TMEM63C: variants seen among roughly 807,000 people sequenced by gnomAD.
TMEM63C encodes transmembrane protein 63C, also known as osmosensitive cation channel TMEM63C.
A neutral mutation model predicts 99.2 loss-of-function variants in TMEM63C; 32 were observed. That is an observed-to-expected ratio of 0.32 (90% CI 0.24 to 0.43). The LOEUF is 0.43. TMEM63C is among the 20% of genes least tolerant of loss of function. TMEM63C has a pLI of 1.00. For missense variants in TMEM63C, 826 were observed against 1,053.0 expected, an observed-to-expected ratio of 0.78 and a Z score of 2.98; for synonymous variants, 376 against 397.9, an observed-to-expected ratio of 0.94 and a Z score of 0.66.
In TMEM63C at chr14:77,239,692, T is replaced by C. The variant is rs766263749; in HGVS notation, c.896T>C (p.Leu299Pro). 1.9e-6 allele frequency: 3 copies of C among 1,613,096 alleles called. No individual in the cohort carries two copies. The highest frequency in any genetic ancestry group is 2.5e-6 in the Non-Finnish European group (3 of 1,179,636). ...ATCAGGATCCACCCCTGTGCCCGCC[T>C]GTGCTTCTGCAAGTGCTGGACCTGC... The part of the protein sequence containing the change: ...VMIRIHPCAR[L>P]CFCKCWTCFK... The change falls in exon 12 of 24, where the codon CTG becomes CCG. Residue 299 changes from leucine (L) to proline (P), a missense_variant. By Grantham distance (98) the Leu-to-Pro change is moderately conservative (BLOSUM62 -3). Coordinates refer to ENST00000298351, the MANE Select transcript of TMEM63C (RefSeq NM_020431.4).
chr14:77,250,995 T>C (rs1889350393), intron 21 of TMEM63C, among the ~76,000 whole-genome samples: 1 of 152,160 alleles, frequency 6.6e-6, no homozygotes, highest in Admixed American at 6.5e-5. Flanking sequence ...ATGGGAACAT[T>C]GAGAGGGAGC....
At chr14:77,244,523 G>T in intron 16 of TMEM63C, 68 bp downstream of exon 16, 1 of 1,286,336 alleles carries the variant, frequency 7.8e-7, no homozygotes, top group Non-Finnish European at 1.1e-6. Context: ...TGGCTTCCCC[G>T]CCAGCCTGGC....
rs1889070269 is a variant in TMEM63C at position 77,236,860 on chromosome 14, G to T, written c.651+128G>T. 5.9e-6 allele frequency: 4 copies of T among 673,022 alleles called. No homozygotes were observed. In the Admixed American group the frequency reaches 9.2e-5, roughly 15 times the overall value. The allele number at this position is 673,022 out of a possible 1,614,324, so 41.7% of individuals were successfully genotyped here. A position where few individuals can be genotyped will look rare whatever the true frequency, so the allele number is the denominator to read the frequency against. ...AGACTGTGATAGATGGGAGGGGGCG[G>T]TTTCACCTGAGCAGGGGCCAAGCTT... On this transcript the variant is annotated intron_variant, in intron 9 of 23. Coordinates refer to ENST00000298351, the MANE Select transcript of TMEM63C (RefSeq NM_020431.4).
In TMEM63C at chr14:77,249,475, C is replaced by G; in HGVS notation, c.2038+17C>G. On this transcript the variant is annotated intron_variant, in intron 21 of 23. Transcript: ENST00000298351. ...TGCGGTTGGGTAGGTACCAAGCCAG[C>G]CTGGAGACCCCACCTCCACCTGCCC... The G allele has an allele frequency of 6.2e-7, 1 of 1,612,528 alleles. No individual in the cohort carries two copies. Among genetic ancestry groups the G allele is most frequent in the Non-Finnish European group, 8.5e-7 (1 of 1,179,022 alleles).
chr14:77,210,699 G>C (rs769512838), intron 1 of TMEM63C, among the ~76,000 whole-genome samples: 1 of 152,222 alleles, frequency 6.6e-6, no homozygotes, highest in Non-Finnish European at 1.5e-5. Context: ...AAGGAAGAAG[G>C]GGAGGTGGGA....
intron 15 of TMEM63C, among the ~76,000 whole-genome samples, chr14:77,243,856 CAT>C (rs1438494247): frequency 2.0e-5 from 3 of 152,040 alleles, no homozygotes; most frequent in African/African-American, 7.2e-5. Flanking sequence ...CACGCACACA[CAT>C]ACAGTCAACA....
rs188084567 is a variant in TMEM63C at position 77,250,525 on chromosome 14, C to T, written c.2038+1067C>T. The stretch of plus-strand genomic sequence containing the variant: ...CCTGATCTCGACCCACTGCAACCTC[C>T]GCCTCCCGGGTTAAAGCTATTCTCC... On this transcript the variant is annotated intron_variant, in intron 21 of 23. Transcript: ENST00000298351. 7.3e-3 allele frequency among the ~76,000 whole-genome samples: 1,105 copies of T among 151,624 alleles called. 6 individuals are homozygous for T. The highest frequency in any genetic ancestry group is 0.037 in the Middle Eastern group (11 of 294).
chr14:77,205,720 G>C (rs1028555067), intron 1 of TMEM63C, among the ~76,000 whole-genome samples: 3 of 152,226 alleles, frequency 2.0e-5, no homozygotes, highest in South Asian at 2.1e-4. Context: ...TGGGGAGCTG[G>C]GGGAGGTGAG....
intron 8 of TMEM63C, among the ~76,000 whole-genome samples, chr14:77,234,381 T>A (rs970952144): frequency 6.6e-6 from 1 of 152,178 alleles, no homozygotes; most frequent in African/African-American, 2.4e-5. Flanking sequence ...TATCCTCCCC[T>A]GAGGATGCCA....
intron 1 of TMEM63C, among the ~76,000 whole-genome samples, chr14:77,203,254 C>T (rs61991600): frequency 0.096 from 14,582 of 151,528 alleles, 1,045 homozygotes; most frequent in African/African-American, 0.21. Context: ...TGGTGGTGGG[C>T]GCCTGTAGTC....
At chr14:77,233,541 G>A (rs758750306) in intron 8 of TMEM63C, 41 bp downstream of exon 8, 1 of 1,605,626 alleles carries the variant, frequency 6.2e-7, no homozygotes, top group South Asian at 1.1e-5. Context: ...TTGGCTGGGG[G>A]TGTTGGTGTG....
Position 77,239,737 on chromosome 14 carries a change from T to G in TMEM63C, c.930+11T>G. The G allele has an allele frequency of 1.2e-6, 2 of 1,612,418 alleles. No individual in the cohort carries two copies. Among genetic ancestry groups the G allele is most frequent in the Non-Finnish European group, 1.7e-6 (2 of 1,179,464 alleles). The stretch of plus-strand genomic sequence containing the variant: ...ACCTGCTTCAAGGAGGTAACTGGCT[T>G]GAGCGTTGGGAGCACAGCAAGGGAG... On this transcript the variant is annotated intron_variant, in intron 12 of 23. Coordinates refer to ENST00000298351, the MANE Select transcript of TMEM63C (RefSeq NM_020431.4).
intron 22 of TMEM63C, among the ~76,000 whole-genome samples, chr14:77,252,456 T>C (rs749014028): frequency 2.6e-5 from 4 of 152,180 alleles, no homozygotes; most frequent in Non-Finnish European, 5.9e-5. Context: ...TTTAGAGCCA[T>C]GCCAACAACT....
chr14:77,220,932 C>T (rs430041), intron 5 of TMEM63C, among the ~76,000 whole-genome samples: 811 of 5,400 alleles, frequency 0.15, 184 homozygotes, highest in South Asian at 0.38. Context: ...CCTCTCCCAC[C>T]CACGCCTCCC....
intron 1 of TMEM63C, among the ~76,000 whole-genome samples, chr14:77,182,616 C>A (rs1398684664): frequency 1.3e-5 from 2 of 152,156 alleles, no homozygotes; most frequent in African/African-American, 4.8e-5. Flanking sequence ...AGGGGCCCTT[C>A]TTCCTCTCTA....
intron 1 of TMEM63C, among the ~76,000 whole-genome samples, chr14:77,209,487 C>G (rs937748118): frequency 2.0e-5 from 3 of 152,076 alleles, no homozygotes; most frequent in Non-Finnish European, 4.4e-5. Flanking sequence ...TTGGGAGAAC[C>G]ATGAAAAGTA....
intron 6 of TMEM63C, among the ~76,000 whole-genome samples, chr14:77,228,007 G>C (rs1888860977): frequency 6.6e-6 from 1 of 152,200 alleles, no homozygotes; most frequent in Non-Finnish European, 1.5e-5. Flanking sequence ...AGTTTACAGG[G>C]AAGAGGTGTG....
intron 12 of TMEM63C, among the ~76,000 whole-genome samples, 192 bp from the exon 13 acceptor site, chr14:77,240,283 C>T (rs1180462252): frequency 6.6e-6 from 1 of 152,212 alleles, no homozygotes; most frequent in Non-Finnish European, 1.5e-5. Context: ...GATCTAAGGG[C>T]AGGGGTGAAT....
intron 1 of TMEM63C, among the ~76,000 whole-genome samples, chr14:77,200,748 T>A (rs1011525061): frequency 1.3e-5 from 2 of 152,148 alleles, no homozygotes; most frequent in African/African-American, 4.8e-5. Context: ...CATGCCCAGG[T>A]CTCCTCCCGG....
Sources: gnomAD v4.1 joint callset for allele counts (sites outside exome capture counted in the v4.1 genomes callset) on GRCh38, gnomAD v4.1.1 for gene constraint, MANE v1.5 for transcripts, NCBI Gene and HGNC (gene_info 2026-07-23, HGNC 2026-07-21) for gene names.